CNR1: variants seen among roughly 807,000 people sequenced by gnomAD.
The protein encoded by CNR1 is cannabinoid receptor 1.
Under a neutral mutation model 23.0 loss-of-function variants are expected in CNR1, and 10 were observed. The observed-to-expected ratio is 0.43, with a 90% confidence interval of 0.27 to 0.74. The LOEUF is 0.74. Among genes scored for constraint, CNR1 ranks in the 30% least tolerant of loss-of-function variants. The pLI is 0.19. For missense variants in CNR1, 422 were observed against 618.8 expected, an observed-to-expected ratio of 0.68 and a Z score of 3.37; for synonymous variants, 271 against 255.2, an observed-to-expected ratio of 1.06 and a Z score of -0.59.
intron 1 of CNR1, among the ~76,000 whole-genome samples, chr6:88,162,738 A>G (rs919686169): frequency 7.9e-5 from 12 of 152,248 alleles, no homozygotes; most frequent in African/African-American, 2.9e-4. Flanking sequence ...TCTTCAGTAT[A>G]TAAGAGAAAA....
In CNR1 at chr6:88,144,542, T is replaced by C. The variant is rs1465208092; in HGVS notation, c.733A>G (p.Ile245Val). Residue 245 changes from isoleucine to valine, a missense_variant, in exon 2 of 2, where the codon ATT (isoleucine) becomes GTT (valine). Transcript: ENST00000369501. The surrounding 1 kb of genome is among the most constrained non-coding windows in gnomAD (Gnocchi z 7.8). ...AGGAGAGGCAGCACGGCGATCACAA[T>C]GGCTATGGTCCACATCAGGCAAAAC... The part of the protein sequence containing the change: ...VAFCLMWTIA[I>V]VIAVLPLLGW... 2 of 1,614,074 alleles carry C rather than the reference T, an allele frequency of 1.2e-6. No individual in the cohort carries two copies. Among genetic ancestry groups the C allele is most frequent in the Admixed American group, 3.3e-5 (2 of 60,008 alleles).
intron 1 of CNR1, among the ~76,000 whole-genome samples, chr6:88,145,657 G>A (rs993572410): frequency 2.0e-5 from 3 of 152,170 alleles, no homozygotes; most frequent in African/African-American, 7.2e-5. Context: ...AATGTTTCTT[G>A]GGGACAATGT....
chr6:88,149,118 A>C (rs1285531945), intron 1 of CNR1, among the ~76,000 whole-genome samples: 1 of 152,224 alleles, frequency 6.6e-6, no homozygotes, highest in East Asian at 1.9e-4. Context: ...ACAGTCTGCT[A>C]ACGCCAATCA....
At chr6:88,152,167 A>C (rs1777554707) in intron 1 of CNR1, among the ~76,000 whole-genome samples, 1 of 148,976 alleles carries the variant, frequency 6.7e-6, no homozygotes, top group South Asian at 2.1e-4. Context: ...GTGAGCCGAG[A>C]TCCCGCCACT....
intron 1 of CNR1, among the ~76,000 whole-genome samples, chr6:88,157,295 C>T (rs758069611): frequency 6.6e-5 from 10 of 152,092 alleles, no homozygotes; most frequent in Non-Finnish European, 1.0e-4. Flanking sequence ...AGAGAAGTCA[C>T]GTGAAAATTC....
intron 1 of CNR1, among the ~76,000 whole-genome samples, chr6:88,159,746 T>A (rs1296128604): frequency 2.0e-5 from 3 of 152,230 alleles, no homozygotes; most frequent in African/African-American, 7.2e-5. Context: ...ACATGCATAC[T>A]GCCTGCTCAC....
At chr6:88,164,705 AGGTT>A (rs1562520089) in intron 1 of CNR1, among the ~76,000 whole-genome samples, 1 of 152,202 alleles carries the variant, frequency 6.6e-6, no homozygotes, top group Non-Finnish European at 1.5e-5. Flanking sequence ...GGAACCTTAA[AGGTT>A]GGTTGCTCTG....
chr6:88,143,208 C>A lies in CNR1; in HGVS notation c.*648G>T. ...GAGGTAACAGAAAAATAAACCTTTA[C>A]GGTTATTTCAGTGTCAAAATTAAAT... On this transcript the variant is annotated 3_prime_UTR_variant, in exon 2 of 2. Coordinates refer to ENST00000369501, the MANE Select transcript of CNR1 (RefSeq NM_016083.6). 1 of 152,252 alleles carries A rather than the reference C, an allele frequency of 6.6e-6. No individual in the cohort carries two copies. Among genetic ancestry groups the A allele is most frequent in the Non-Finnish European group, 1.5e-5 (1 of 68,018 alleles). The allele number at this position is 152,252 out of a possible 1,614,324, so 9.4% of individuals were successfully genotyped here.
chr6:88,150,112 T>G (rs1777437208), intron 1 of CNR1, among the ~76,000 whole-genome samples: 1 of 152,260 alleles, frequency 6.6e-6, no homozygotes, highest in African/African-American at 2.4e-5. Context: ...AAACCAGAGT[T>G]TGAGCCTCCA....
In CNR1 at chr6:88,142,862, C is replaced by G. The variant is rs1432648490; in HGVS notation, c.*994G>C. On this transcript the variant is annotated 3_prime_UTR_variant, in exon 2 of 2. Coordinates refer to ENST00000369501, the MANE Select transcript of CNR1 (RefSeq NM_016083.6). Reference sequence around the variant, plus strand: ...AAAATGAAGACTGTTGTTTGGCCACCCAGGCATGAAATCTACTTAAACCTG... The same window carrying G: ...AAAATGAAGACTGTTGTTTGGCCACGCAGGCATGAAATCTACTTAAACCTG... The G allele has an allele frequency of 6.6e-6, 1 of 152,660 alleles. No homozygotes were observed. Among genetic ancestry groups the G allele is most frequent in the Non-Finnish European group, 1.5e-5 (1 of 68,034 alleles). 9.5% of individuals were successfully genotyped at this position (152,660 alleles called of 1,614,324 possible). A position where few individuals can be genotyped will look rare whatever the true frequency, so the allele number is the denominator to read the frequency against.
intron 1 of CNR1, among the ~76,000 whole-genome samples, chr6:88,161,817 G>GC (rs1778123989): frequency 6.6e-6 from 1 of 152,046 alleles, no homozygotes; most frequent in South Asian, 2.1e-4. Flanking sequence ...TTACAAACCT[G>GC]CCCCCCTAAC....
chr6:88,162,579 G>A (rs900641794), intron 1 of CNR1, among the ~76,000 whole-genome samples: 3 of 152,170 alleles, frequency 2.0e-5, no homozygotes, highest in African/African-American at 4.8e-5. Context: ...CAGCATTCAT[G>A]CAGCCATAAT....
In CNR1 at chr6:88,145,269, C is replaced by T. The variant is rs370158252; in HGVS notation, c.6G>A (p.Lys2=). 4 of 1,605,548 alleles carry T rather than the reference C, an allele frequency of 2.5e-6. No individual in the cohort carries two copies. The highest frequency in any genetic ancestry group is 1.1e-5 in the South Asian group (1 of 90,052). The change falls in exon 2 of 2, where the codon AAG becomes AAA. Residue 2 remains lysine (K), a synonymous_variant. Transcript: ENST00000369501. ...TATCTGCAAGGCCATCTAGGATCGA[C>T]TTCATAACCTCAGTCTTTGATTAGG... The part of the protein sequence containing the change: M[K]SILDGLADTT...
chr6:88,152,488 C>T (rs187583508), intron 1 of CNR1, among the ~76,000 whole-genome samples: 1 of 152,312 alleles, frequency 6.6e-6, no homozygotes, highest in East Asian at 1.9e-4. Context: ...GTGATCACAA[C>T]TTCCCATTTT....
intron 1 of CNR1, among the ~76,000 whole-genome samples, chr6:88,156,290 T>C (rs753831465): frequency 3.9e-4 from 59 of 152,206 alleles, no homozygotes; most frequent in Non-Finnish European, 7.8e-4. Context: ...TTATTGGGCA[T>C]ACAGTCTGTG....
At chr6:88,163,199 G>A (rs1223489938) in intron 1 of CNR1, among the ~76,000 whole-genome samples, 1 of 152,178 alleles carries the variant, frequency 6.6e-6, no homozygotes, top group African/African-American at 2.4e-5. Flanking sequence ...TGGAATAAAA[G>A]AAGCAATAAC....
At chr6:88,162,102 G>C (rs1778139757) in intron 1 of CNR1, among the ~76,000 whole-genome samples, 1 of 152,164 alleles carries the variant, frequency 6.6e-6, no homozygotes, top group South Asian at 2.1e-4. Context: ...GCATGGGACT[G>C]GCACGGATTT....
intron 1 of CNR1, among the ~76,000 whole-genome samples, chr6:88,155,468 A>G (rs1777744554): frequency 6.6e-6 from 1 of 152,190 alleles, no homozygotes; most frequent in South Asian, 2.1e-4. Flanking sequence ...CTCTAACTAG[A>G]CAGGGCAGAG....
At chr6:88,149,162 G>A (rs1203163972) in intron 1 of CNR1, among the ~76,000 whole-genome samples, 1 of 152,118 alleles carries the variant, frequency 6.6e-6, no homozygotes, top group Non-Finnish European at 1.5e-5. Flanking sequence ...AAAGGCTAGT[G>A]GCTATAGAAA....
Sources: gnomAD v4.1 joint callset for allele counts (sites outside exome capture counted in the v4.1 genomes callset) on GRCh38, gnomAD v4.1.1 for gene constraint, Gnocchi (gnomAD v3.1) non-coding constraint, MANE v1.5 for transcripts, NCBI Gene and HGNC (gene_info 2026-07-23, HGNC 2026-07-21) for gene names.